SNTG2: variants seen among roughly 807,000 people sequenced by gnomAD.
The protein encoded by SNTG2 is syntrophin gamma 2, also known as gamma-2-syntrophin.
SNTG2 carries 74 observed loss-of-function variants against 70.9 expected under a neutral mutation model. The observed-to-expected ratio is 1.04, with a 90% CI of 0.86 to 1.27. The LOEUF is 1.27. SNTG2 is among the 50% of genes most tolerant of loss of function. The pLI is 0.00. For missense variants in SNTG2, 717 were observed against 690.7 expected (o/e 1.04, Z -0.43); for synonymous variants, 278 against 273.8 (o/e 1.02, Z -0.15).
chr2:1,148,857 C>T (rs1669273681), intron 6 of SNTG2, among the ~76,000 whole-genome samples: 1 of 152,060 alleles, frequency 6.6e-6, no homozygotes, highest in South Asian at 2.1e-4. Flanking sequence ...TCCTGCTGGG[C>T]CCACCCTCTG....
At chr2:1,206,546 C>T (rs547677102) in intron 8 of SNTG2, among the ~76,000 whole-genome samples, 1 of 152,112 alleles carries the variant, frequency 6.6e-6, no homozygotes, top group African/African-American at 2.4e-5. Flanking sequence ...TGACTTCTCC[C>T]CTAGCTGCTA....
At chr2:1,222,047 G>GTCTCTGTCTC (rs1675120667) in intron 9 of SNTG2, among the ~76,000 whole-genome samples, 1 of 6,002 alleles carries the variant, frequency 1.7e-4, no homozygotes, top group Non-Finnish European at 3.2e-4. Context: ...GTCTCTCTCT[G>GTCTCTGTCTC]TCTCTCTCTG....
In SNTG2 at chr2:1,137,635, G is replaced by A. The variant is rs750524735; in HGVS notation, c.339G>A (p.Gly113=). Residue 113 remains glycine (G), a synonymous_variant, in exon 5 of 17, where the codon GGG becomes GGA. Coordinates refer to ENST00000308624, the MANE Select transcript of SNTG2 (RefSeq NM_018968.4). ...GCCACCCTGCAGCTGACCAGACAGG[G>A]ATGTTGTTCGTAGGAGATGCTGTTC... ...IFEDQAADQT[G]MLFVGDAVLQ... The A allele has an allele frequency of 6.2e-7, 1 of 1,613,082 alleles. No homozygotes were observed. The highest frequency in any genetic ancestry group is 1.3e-5 in the African/African-American group (1 of 74,990).
At chr2:1,070,872 A>C (rs1663485930) in intron 1 of SNTG2, among the ~76,000 whole-genome samples, 1 of 152,038 alleles carries the variant, frequency 6.6e-6, no homozygotes, top group South Asian at 2.1e-4. Context: ...GTGGTATTTT[A>C]TACTGCAGCA....
chr2:1,259,704 G>A (rs1231252311), intron 13 of SNTG2, among the ~76,000 whole-genome samples: 3 of 152,180 alleles, frequency 2.0e-5, no homozygotes, highest in Non-Finnish European at 2.9e-5. Flanking sequence ...TGTGTTTTAC[G>A]GGAGAGATGT....
At chr2:974,171 T>C (rs751489797) in intron 1 of SNTG2, among the ~76,000 whole-genome samples, 25 of 152,168 alleles carry the variant, frequency 1.6e-4, no homozygotes, top group Non-Finnish European at 2.6e-4. Context: ...GGGTGGTTGA[T>C]CTTCGTTGTT....
chr2:1,292,950 A>G (rs1341356412), intron 14 of SNTG2, among the ~76,000 whole-genome samples: 1 of 152,150 alleles, frequency 6.6e-6, no homozygotes, highest in Non-Finnish European at 1.5e-5. Flanking sequence ...GTTTGGTAGA[A>G]TTCACCAGCG....
chr2:1,215,403 A>G (rs1441348173), intron 9 of SNTG2, among the ~76,000 whole-genome samples: 1 of 152,054 alleles, frequency 6.6e-6, no homozygotes, highest in Non-Finnish European at 1.5e-5. Context: ...TATTTTTGTT[A>G]ATTATTATTA....
At chr2:1,275,197 C>A (rs1407378654) in intron 14 of SNTG2, among the ~76,000 whole-genome samples, 2 of 152,238 alleles carry the variant, frequency 1.3e-5, no homozygotes, top group Non-Finnish European at 2.9e-5. Flanking sequence ...CTGCATTAGT[C>A]CCCACCTCTT....
intron 14 of SNTG2, among the ~76,000 whole-genome samples, chr2:1,281,108 G>A (rs1396966898): frequency 6.6e-6 from 1 of 152,164 alleles, no homozygotes; most frequent in Non-Finnish European, 1.5e-5. Flanking sequence ...TTGAAACTGG[G>A]AATTCATGAG....
chr2:1,078,190 A>C (rs534270284), intron 1 of SNTG2, among the ~76,000 whole-genome samples: 17 of 152,196 alleles, frequency 1.1e-4, no homozygotes, highest in Non-Finnish European at 2.1e-4. Context: ...CGGATATGCC[A>C]GGCTGGGCTG....
At chr2:981,893 G>A (rs1053105112) in intron 1 of SNTG2, among the ~76,000 whole-genome samples, 4 of 151,120 alleles carry the variant, frequency 2.6e-5, no homozygotes, top group South Asian at 2.1e-4. Flanking sequence ...ATTCACATGC[G>A]TTTGTGCACA....
chr2:1,001,764 G>A (rs1659402235), intron 1 of SNTG2, among the ~76,000 whole-genome samples: 1 of 151,898 alleles, frequency 6.6e-6, no homozygotes, highest in African/African-American at 2.4e-5. Context: ...TAGAAAAAAA[G>A]TCCTAAAATC....
In SNTG2 at chr2:1,084,188, G is replaced by A. The variant is rs1166757534; in HGVS notation, c.210+533G>A. On this transcript the variant is annotated intron_variant, in intron 2 of 16. Coordinates refer to ENST00000308624, the MANE Select transcript of SNTG2 (RefSeq NM_018968.4). The stretch of plus-strand genomic sequence containing the variant: ...GCCCTTTCTGGGGGCACAGGCTTAG[G>A]AGACCCTGTGTCTATTTGGTTTTCT... Among the ~76,000 whole-genome samples the A allele has an allele frequency of 2.6e-5, 4 of 152,184 alleles. No individual in the cohort carries two copies. In the East Asian group the frequency reaches 7.7e-4, roughly 29 times the overall value.
chr2:1,213,045 C>T (rs1429705992), intron 9 of SNTG2, among the ~76,000 whole-genome samples: 1 of 152,142 alleles, frequency 6.6e-6, no homozygotes, highest in African/African-American at 2.4e-5. Flanking sequence ...TGTCCTTGTC[C>T]AAGTATAGGA....
intron 4 of SNTG2, among the ~76,000 whole-genome samples, chr2:1,104,776 C>T (rs7585479): frequency 0.16 from 24,410 of 152,192 alleles, 2,132 homozygotes; most frequent in African/African-American, 0.2. Flanking sequence ...TCTCACTGAA[C>T]GAGAAATCCG....
intron 16 of SNTG2, among the ~76,000 whole-genome samples, chr2:1,337,074 A>T (rs1174580881): frequency 6.6e-6 from 1 of 152,104 alleles, no homozygotes. Context: ...TAGGTTGAAT[A>T]ATATTCCATT....
intron 16 of SNTG2, among the ~76,000 whole-genome samples, chr2:1,358,102 G>A (rs1435720767): frequency 6.6e-6 from 1 of 151,982 alleles, no homozygotes; most frequent in Non-Finnish European, 1.5e-5. Flanking sequence ...TGAGCACTCA[G>A]GTCTCCTTTC....
chr2:979,516 C>T (rs1661031805), intron 1 of SNTG2, among the ~76,000 whole-genome samples: 1 of 152,058 alleles, frequency 6.6e-6, no homozygotes. Context: ...TGGTTTTTAC[C>T]ACACAGCTCC....
Sources: allele counts gnomAD v4.1 joint callset (sites outside exome capture counted in the v4.1 genomes callset), GRCh38; gene constraint gnomAD v4.1.1; transcripts MANE v1.5; gene names NCBI Gene and HGNC (gene_info 2026-07-23, HGNC 2026-07-21).